Variants in CTNNA3 observed in about 807,000 individuals in gnomAD.
The protein encoded by CTNNA3 is catenin alpha-3.
A neutral mutation model predicts 95.7 loss-of-function variants in CTNNA3; 76 were observed. The observed-to-expected ratio is 0.79, with a 90% CI of 0.66 to 0.96. The LOEUF (loss-of-function observed/expected upper bound fraction) is 0.96. Among genes scored for constraint, CTNNA3 ranks in the 40% least tolerant of loss-of-function variants. CTNNA3 has a pLI of 0.00. For synonymous variants in CTNNA3, 431 were observed against 374.4 expected (o/e 1.15, Z -1.74); for missense variants, 1,191 against 1,089.8 (o/e 1.09, Z -1.31).
intron 13 of CTNNA3, among the ~76,000 whole-genome samples, chr10:66,122,576 G>A (rs1404477126): frequency 6.6e-6 from 1 of 152,170 alleles, no homozygotes; most frequent in African/African-American, 2.4e-5. Context: ...ACATCTTGAA[G>A]AAGTCAGTGA....
intron 13 of CTNNA3, among the ~76,000 whole-genome samples, chr10:66,135,203 GT>G (rs1240269683): frequency 1.3e-5 from 2 of 152,104 alleles, no homozygotes; most frequent in Non-Finnish European, 2.9e-5. Flanking sequence ...TAACACCGAG[GT>G]TTTGATGACT....
chr10:66,101,550 T>C lies in CTNNA3; in HGVS notation c.1977+1607A>G, dbSNP rs183383755. On this transcript the variant is annotated intron_variant, in intron 14 of 17. Transcript: ENST00000433211. Reference sequence around the variant, plus strand: ...CCCAAATTTATCTTTTCCCATATTATGTTTTACCATATTTTCTGTATTTTA... The same window carrying C: ...CCCAAATTTATCTTTTCCCATATTACGTTTTACCATATTTTCTGTATTTTA... Among the ~76,000 whole-genome samples, 476 of 152,336 alleles carry C rather than the reference T, an allele frequency of 3.1e-3. 6 individuals are homozygous for C. Among genetic ancestry groups the C allele is most frequent in the African/African-American group, 0.011 (454 of 41,582 alleles).
rs868713087 is a variant in CTNNA3 at position 67,279,587 on chromosome 10, A to G, written c.580-59717T>C. Among the ~76,000 whole-genome samples, 16 of 151,240 alleles carry G rather than the reference A, an allele frequency of 1.1e-4. 3 individuals are homozygous for G. In the South Asian group the frequency reaches 3.2e-3, roughly 30 times the overall value. On this transcript the variant is annotated intron_variant, in intron 5 of 17. Transcript: ENST00000433211. ...TGTGCTTGGTAAATTGGCACTTTAC[A>G]TAAGTTAAGGTGAACACTATGTAGC...
At chr10:66,768,657 T>C (rs776755128) in intron 8 of CTNNA3, among the ~76,000 whole-genome samples, 4 of 152,138 alleles carry the variant, frequency 2.6e-5, no homozygotes, top group African/African-American at 4.8e-5. Context: ...CTCACCTTTC[T>C]ACCAAGAGAA....
intron 3 of CTNNA3, among the ~76,000 whole-genome samples, chr10:67,595,345 A>G (rs1030095204): frequency 2.0e-5 from 3 of 152,006 alleles, no homozygotes; most frequent in Non-Finnish European, 4.4e-5. Context: ...CTTTGTTTTC[A>G]TTTATTCCAA....
At chr10:66,728,586 TTTTTTA>T (rs1037049195) in intron 9 of CTNNA3, among the ~76,000 whole-genome samples, 3 of 152,096 alleles carry the variant, frequency 2.0e-5, no homozygotes, top group Non-Finnish European at 2.9e-5. Context: ...ATTTAAGTCC[TTTTTTA>T]TTTTTATTTT....
intron 15 of CTNNA3, among the ~76,000 whole-genome samples, chr10:66,027,150 T>C (rs1430513356): frequency 2.0e-5 from 3 of 152,132 alleles, no homozygotes; most frequent in African/African-American, 7.2e-5. Context: ...GCTATGGCTC[T>C]AGTTTTTGTG....
intron 2 of CTNNA3, among the ~76,000 whole-genome samples, chr10:67,644,186 C>T (rs947060578): frequency 1.3e-5 from 2 of 152,166 alleles, no homozygotes; most frequent in African/African-American, 4.8e-5. Flanking sequence ...CATGTCCTCT[C>T]CAGCATCTGT....
chr10:66,520,847 G>A, intron 10 of CTNNA3, 74 bp from the exon 11 acceptor site: 1 of 1,065,192 alleles, frequency 9.4e-7, no homozygotes, highest in South Asian at 1.3e-5. Context: ...CACACTAAAA[G>A]CCCACACTTC....
intron 7 of CTNNA3, among the ~76,000 whole-genome samples, chr10:67,125,313 A>G (rs1378003334): frequency 6.6e-6 from 1 of 152,152 alleles, no homozygotes; most frequent in Non-Finnish European, 1.5e-5. Flanking sequence ...CCTGAGTGTG[A>G]CTGTCATTTG....
At position 66,505,641 on chromosome 10, in the gene CTNNA3, G is replaced by T. The variant is rs115690644; in HGVS notation, c.1531+14976C>A. ...TGAGCTAGGATGCAGTTATCAAACT[G>T]GTTCTCACCTTCCTATTGTAACATC... On this transcript the variant is annotated intron_variant, in intron 11 of 17. Transcript: ENST00000433211. 5.6e-3 allele frequency among the ~76,000 whole-genome samples: 848 copies of T among 152,088 alleles called. 7 individuals are homozygous for T. Among genetic ancestry groups the T allele is most frequent in the African/African-American group, 0.019 (796 of 41,494 alleles).
intron 7 of CTNNA3, among the ~76,000 whole-genome samples, chr10:67,162,169 A>G (rs1861579376): frequency 6.6e-6 from 1 of 152,022 alleles, no homozygotes; most frequent in Non-Finnish European, 1.5e-5. Flanking sequence ...AATACCATCA[A>G]CCAACAGATT....
intron 9 of CTNNA3, among the ~76,000 whole-genome samples, chr10:66,670,450 C>T (rs1372633446): frequency 6.6e-6 from 1 of 152,120 alleles, no homozygotes; most frequent in African/African-American, 2.4e-5. Flanking sequence ...TCTTAACTTC[C>T]AGAGATCAAT....
chr10:66,683,135 G>A (rs1354486356), intron 9 of CTNNA3, among the ~76,000 whole-genome samples: 1 of 152,142 alleles, frequency 6.6e-6, no homozygotes, highest in Non-Finnish European at 1.5e-5. Flanking sequence ...ATCAAGTAAG[G>A]TGATACCAGT....
intron 3 of CTNNA3, among the ~76,000 whole-genome samples, chr10:67,570,713 A>C (rs1389032696): frequency 6.6e-6 from 1 of 151,588 alleles, no homozygotes; most frequent in Non-Finnish European, 1.5e-5. Context: ...TCTGACTTGA[A>C]CTCTCAGCAT....
intron 5 of CTNNA3, among the ~76,000 whole-genome samples, chr10:67,512,895 G>A (rs1045233130): frequency 6.6e-5 from 10 of 152,142 alleles, no homozygotes; most frequent in Admixed American, 1.3e-4. Context: ...GGAGGCAGAA[G>A]AATTGCCTGA....
At chr10:66,084,343 G>A (rs907246015) in intron 14 of CTNNA3, among the ~76,000 whole-genome samples, 1 of 151,610 alleles carries the variant, frequency 6.6e-6, no homozygotes, top group Non-Finnish European at 1.5e-5. Flanking sequence ...AATAATTCAT[G>A]TACTCCATAA....
chr10:66,416,721 T>A (rs891411101), intron 11 of CTNNA3, among the ~76,000 whole-genome samples: 2 of 151,842 alleles, frequency 1.3e-5, no homozygotes, highest in African/African-American at 2.4e-5. Context: ...TTATCCTTCA[T>A]AAATGAAGGA....
intron 5 of CTNNA3, among the ~76,000 whole-genome samples, chr10:67,445,042 G>A (rs1448026219): frequency 6.6e-6 from 1 of 151,818 alleles, no homozygotes; most frequent in East Asian, 1.9e-4. Context: ...TACCAATTCT[G>A]CTCAAACTAC....
Sources: gnomAD v4.1 joint callset for allele counts (sites outside exome capture counted in the v4.1 genomes callset) on GRCh38, gnomAD v4.1.1 for gene constraint, MANE v1.5 for transcripts, NCBI Gene and HGNC (gene_info 2026-07-23, HGNC 2026-07-21) for gene names.